The following TXNRD2 variants were observed in gnomAD, a reference collection of about 807,000 sequenced individuals.
TXNRD2 encodes thioredoxin reductase 2, mitochondrial.
In TXNRD2, 67 loss-of-function variants were observed where a neutral mutation model predicts 70.8. That is an observed-to-expected ratio of 0.95 (90% CI 0.78 to 1.16). TXNRD2 has a LOEUF of 1.16. Among genes scored for constraint, TXNRD2 ranks in the 50% most tolerant of loss-of-function variants. The probability of loss-of-function intolerance (pLI) is 0.00; values close to 1 mark genes in which losing one functional copy is unlikely to be tolerated. For missense variants in TXNRD2, 644 were observed against 719.9 expected (o/e 0.89, Z 1.21); for synonymous variants, 301 against 295.8 (o/e 1.02, Z -0.18).
At chr22:19,876,790 C>T (rs1354644149) in intron 17 of TXNRD2, 1 of 258,148 alleles carries the variant, frequency 3.9e-6, no homozygotes, top group Non-Finnish European at 7.4e-6. Context: ...AGCCCCGTTT[C>T]TTGATACCTC....
intron 1 of TXNRD2, among the ~76,000 whole-genome samples, chr22:19,939,418 T>C (rs1941628746): frequency 6.6e-6 from 1 of 152,204 alleles, no homozygotes; most frequent in Non-Finnish European, 1.5e-5. Flanking sequence ...TCACTTACAA[T>C]AGGTTTTATT....
intron 16 of TXNRD2, among the ~76,000 whole-genome samples, chr22:19,877,787 T>C (rs1379004624): frequency 6.6e-6 from 1 of 152,190 alleles, no homozygotes; most frequent in Non-Finnish European, 1.5e-5. Flanking sequence ...CTCCAGGTAC[T>C]GGCACTCTGC....
chr22:19,886,172 G>A (rs774343346), intron 11 of TXNRD2, among the ~76,000 whole-genome samples: 1 of 152,246 alleles, frequency 6.6e-6, no homozygotes, highest in African/African-American at 2.4e-5. Context: ...GCTCAGCCCT[G>A]AGGAGGGCAG....
chr22:19,876,010 G>A (rs1337740483), intron 17 of TXNRD2: 1 of 152,272 alleles, frequency 6.6e-6, no homozygotes, highest in East Asian at 1.9e-4. Flanking sequence ...AAAATTTATA[G>A]CAGGCTCCTA....
intron 11 of TXNRD2, chr22:19,883,696 A>G (rs2145940700): frequency 1.8e-6 from 1 of 550,968 alleles, no homozygotes; most frequent in Non-Finnish European, 3.3e-6. Flanking sequence ...GCTCATGCCT[A>G]TAATCCCAAC....
intron 1 of TXNRD2, among the ~76,000 whole-genome samples, chr22:19,931,935 T>C (rs935071443): frequency 5.9e-5 from 9 of 151,332 alleles, no homozygotes; most frequent in African/African-American, 9.7e-5. Flanking sequence ...CCAAGGCGGG[T>C]GGATCACAAG....
At position 19,883,395 on chromosome 22, in the gene TXNRD2, T is replaced by A. The variant is rs200606822; in HGVS notation, c.1016A>T (p.Gln339Leu). ...KAGVDTSPDT[Q>L]KILVDSREAT... The stretch of plus-strand genomic sequence containing the variant: ...TTCCCGGGAGTCCACCAGGATCTTC[T>A]GAGTGTCGGGGCTAGTATCTACCCC... The change falls in exon 12 of 18, where the codon CAG (glutamine) becomes CTG (leucine). Residue 339 changes from glutamine (Q) to leucine (L), a missense_variant. By Grantham distance (113) the Gln-to-Leu change is moderately radical (BLOSUM62 -2). Transcript: ENST00000400521. The A allele has an allele frequency of 1.7e-4, 281 of 1,614,096 alleles. No individual in the cohort carries two copies. In the African/African-American group the frequency reaches 3.5e-3, roughly 20 times the overall value.
chr22:19,904,074 C>G (rs1939897366), intron 8 of TXNRD2, among the ~76,000 whole-genome samples: 1 of 152,234 alleles, frequency 6.6e-6, no homozygotes, highest in Non-Finnish European at 1.5e-5. Context: ...AGGAGCCGAC[C>G]TGGAGTCCTT....
chr22:19,912,133 A>C (rs1940439400), intron 7 of TXNRD2, among the ~76,000 whole-genome samples: 1 of 152,122 alleles, frequency 6.6e-6, no homozygotes, highest in South Asian at 2.1e-4. Context: ...AGGTCACCTG[A>C]AGAGGGGCGG....
intron 1 of TXNRD2, among the ~76,000 whole-genome samples, chr22:19,933,983 A>G (rs1367319820): frequency 6.6e-6 from 1 of 152,122 alleles, no homozygotes; most frequent in Admixed American, 6.5e-5. Flanking sequence ...GCCAGCAAAG[A>G]GCAGGAGCCC....
chr22:19,924,614 A>G (rs1468753189), intron 2 of TXNRD2, among the ~76,000 whole-genome samples: 1 of 152,212 alleles, frequency 6.6e-6, no homozygotes, highest in Non-Finnish European at 1.5e-5. Context: ...TAGAGATGAA[A>G]ACTACAATAC....
intron 11 of TXNRD2, 90 bp downstream of exon 11, chr22:19,895,317 A>C: frequency 5.6e-6 from 9 of 1,600,666 alleles, no homozygotes; most frequent in Non-Finnish European, 7.7e-6. Context: ...AGGATGGGGG[A>C]GCCCTGGGAG....
chr22:19,889,285 C>G (rs370558257), intron 11 of TXNRD2, among the ~76,000 whole-genome samples: 1 of 152,210 alleles, frequency 6.6e-6, no homozygotes, highest in Non-Finnish European at 1.5e-5. Flanking sequence ...CAGGAAGGAG[C>G]GTGCTCTGTG....
In TXNRD2 at chr22:19,918,037, G is replaced by A. The variant is rs1601452733; in HGVS notation, c.449+106C>T. 3 of 985,100 alleles carry A rather than the reference G, an allele frequency of 3.0e-6. No individual in the cohort carries two copies. The South Asian group carries it at 3.9e-5, about 13-fold the overall frequency. The allele number at this position is 985,100 out of a possible 1,614,324, so 61.0% of individuals were successfully genotyped here. ...CCCATGAGCAGGACATGAACCCCCAGAGCCTGCCAGAGCATGCTCTGCACA... is the reference window on the plus strand; with the variant it reads ...CCCATGAGCAGGACATGAACCCCCAAAGCCTGCCAGAGCATGCTCTGCACA... On this transcript the variant is annotated intron_variant, in intron 5 of 17. Transcript: ENST00000400521.
chr22:19,909,629 A>ACG, intron 8 of TXNRD2, among the ~76,000 whole-genome samples: 1 of 123,078 alleles, frequency 8.1e-6, no homozygotes, highest in Non-Finnish European at 1.7e-5. Context: ...CACACCACTC[A>ACG]CACACCACTC....
intron 2 of TXNRD2, among the ~76,000 whole-genome samples, chr22:19,923,844 C>CTTTTTT: frequency 1.3e-5 from 1 of 78,118 alleles, no homozygotes; most frequent in Non-Finnish European, 2.3e-5. Flanking sequence ...ACCCCTGAGG[C>CTTTTTT]TTTTTTTTTT....
At chr22:19,925,140 C>A (rs367946195) in intron 2 of TXNRD2, among the ~76,000 whole-genome samples, 1 of 151,738 alleles carries the variant, frequency 6.6e-6, no homozygotes, top group Non-Finnish European at 1.5e-5. Context: ...AAAAATTAGA[C>A]GGGCATGGTG....
intron 2 of TXNRD2, among the ~76,000 whole-genome samples, chr22:19,928,994 AGACTCGCTTGC>A (rs374307597): frequency 3.4e-4 from 31 of 91,248 alleles, no homozygotes; most frequent in South Asian, 6.9e-4. Context: ...TGACAAAGCA[AGACTCGCTTGC>A]AAAAAAAAAA....
At chr22:19,909,651 C>T (rs1382662628) in intron 8 of TXNRD2, among the ~76,000 whole-genome samples, 1 of 113,012 alleles carries the variant, frequency 8.8e-6, no homozygotes, top group African/African-American at 3.4e-5. Flanking sequence ...CATACACACA[C>T]CATTCACACA....
Sources: gnomAD v4.1 joint callset for allele counts (sites outside exome capture counted in the v4.1 genomes callset) on GRCh38, gnomAD v4.1.1 for gene constraint, MANE v1.5 for transcripts, NCBI Gene and HGNC (gene_info 2026-07-23, HGNC 2026-07-21) for gene names.